CELSR2: variants seen among roughly 807,000 people sequenced by gnomAD.
CELSR2 encodes cadherin EGF LAG seven-pass G-type receptor 2.
A neutral mutation model predicts 251.6 loss-of-function variants in CELSR2; 81 were observed. The observed-to-expected ratio is 0.32, with a 90% CI of 0.27 to 0.39. The LOEUF (loss-of-function observed/expected upper bound fraction) is 0.39. Ranked by LOEUF, CELSR2 falls within the 10% of genes least tolerant of loss-of-function variation. The pLI is 1.00. For missense variants in CELSR2, 3,365 were observed against 3,947.7 expected (o/e 0.85, Z 3.96); for synonymous variants, 1,721 against 1,670.5 (o/e 1.03, Z -0.74).
intron 9 of CELSR2, 40 bp downstream of exon 9, chr1:109,263,817 G>GT (rs1263575343): frequency 6.2e-7 from 1 of 1,600,944 alleles, no homozygotes; most frequent in Admixed American, 1.7e-5. Context: ...CCTGGCCATA[G>GT]GGCCCTGGTA....
rs773186442 is a variant in CELSR2, at chr1:109,273,659, G to A, written c.8733G>A (p.Ser2911=). The A allele has an allele frequency of 1.4e-5, 21 of 1,458,586 alleles. No homozygotes were observed. The South Asian group carries it at 1.8e-4, about 12-fold the overall frequency. 90.4% of individuals were successfully genotyped at this position (1,458,586 alleles called of 1,614,324 possible). A position where few individuals can be genotyped will look rare whatever the true frequency, so the allele number is the denominator to read the frequency against. ...SIKAGTVDED[S]SGSEFLFFNF... is the part of the protein sequence containing the mutation. ...AGGCAGGCACGGTGGATGAGGACTC[G>A]TCAGGCTCCGAGTGAGTGTGGCCGG... Residue 2911 remains serine (S), a synonymous_variant, in exon 33 of 34, where the codon TCG becomes TCA. Coordinates refer to ENST00000271332, the MANE Select transcript of CELSR2 (RefSeq NM_001408.3).
rs772863063 is a variant in CELSR2, at chr1:109,267,989, C to T, written c.6247C>T (p.Arg2083Trp). Residue 2083 changes from arginine to tryptophan, a missense_variant, in exon 17 of 34, where the codon CGG (arginine) becomes TGG (tryptophan). Physicochemically the swap from Arg to Trp is moderately radical, Grantham distance 101. Around this residue, in one of 5 missense-constraint regions of CELSR2, gnomAD observed 2,093 missense variants for 2,382.8 expected, o/e 0.88. Transcript: ENST00000271332. ...DVKVAYQLAT[R>W]LLAHESTQRG... Reference sequence around the variant, plus strand: ...CAAGGTGGCCTACCAGCTGGCCACGCGGCTGCTGGCCCACGAGAGCACCCA... The same window carrying T: ...CAAGGTGGCCTACCAGCTGGCCACGTGGCTGCTGGCCCACGAGAGCACCCA... The T allele has an allele frequency of 2.0e-5, 33 of 1,610,584 alleles. No homozygotes were observed. The highest frequency in any genetic ancestry group is 2.2e-5 in the East Asian group (1 of 44,874).
chr1:109,268,291 C>T (rs763772281), intron 17 of CELSR2, among the ~76,000 whole-genome samples: 73 of 152,338 alleles, frequency 4.8e-4, no homozygotes, highest in Non-Finnish European at 7.2e-4. Flanking sequence ...CAGAGGCCTG[C>T]CTGTGGTACC....
At chr1:109,253,430 G>A (rs776968182) in intron 1 of CELSR2, 41 bp downstream of exon 1, 16 of 1,582,172 alleles carry the variant, frequency 1.0e-5, no homozygotes, top group South Asian at 2.3e-5. Context: ...GGGGTAGCTC[G>A]CGGGGATGGT....
In CELSR2 at chr1:109,251,876, T is replaced by C. The variant is rs200823215; in HGVS notation, c.1797T>C (p.Thr599=). 6.2e-7 allele frequency: 1 copy of C among 1,614,008 alleles called. No homozygotes were observed. Among genetic ancestry groups the C allele is most frequent in the Non-Finnish European group, 8.5e-7 (1 of 1,180,024 alleles). ...CTGCCTCGGCCAGTGTCAGCGTGACTGTCCTGGATGTCAACGACAACAATC... is the reference window on the plus strand; with the variant it reads ...CTGCCTCGGCCAGTGTCAGCGTGACCGTCCTGGATGTCAACGACAACAATC... ...ALTASASVSV[T]VLDVNDNNPT... Residue 599 remains threonine, a synonymous_variant, in exon 1 of 34, where the codon ACT becomes ACC. Coordinates refer to ENST00000271332, the MANE Select transcript of CELSR2 (RefSeq NM_001408.3). This position sits in a 1 kb window ranked among gnomAD's most constrained non-coding sequence, Gnocchi z 4.9.
intron 2 of CELSR2, among the ~76,000 whole-genome samples, chr1:109,260,191 G>GA (rs1212485213): frequency 7.0e-6 from 1 of 143,584 alleles, no homozygotes. Flanking sequence ...GGGAGGGGGG[G>GA]GGTTAGAGCA....
At chr1:109,266,052 C>T in intron 14 of CELSR2, 53 bp from the exon 15 acceptor site, 1 of 1,602,134 alleles carries the variant, frequency 6.2e-7, no homozygotes, top group Non-Finnish European at 8.5e-7. Flanking sequence ...GGAGCCTGGG[C>T]AGGACAGCAG....
Position 109,264,324 on chromosome 1 carries a change from C to T in CELSR2, c.5248C>T (p.Pro1750Ser), listed in dbSNP as rs199761472. The T allele has an allele frequency of 5.0e-5, 80 of 1,612,690 alleles. No individual in the cohort carries two copies. Among genetic ancestry groups the T allele is most frequent in the East Asian group, 2.2e-5 (1 of 44,828 alleles). Residue 1750 changes from proline to serine, a missense_variant, in exon 10 of 34, where the codon CCA (proline) becomes TCA (serine). Pro to Ser is a moderately conservative substitution (Grantham distance 74, BLOSUM62 -1). Around this residue, in one of 5 missense-constraint regions of CELSR2, gnomAD observed 2,093 missense variants for 2,382.8 expected, o/e 0.88. Coordinates refer to ENST00000271332, the MANE Select transcript of CELSR2 (RefSeq NM_001408.3). ...SNITVGGIPGPAGGVARGFRG... is the reference protein window; with the variant it reads ...SNITVGGIPGSAGGVARGFRG... ...CATAACAGTGGGCGGAATACCTGGG[C>T]CAGCCGGCGGTGTGGCCCGTGGCTT...
chr1:109,264,658 G>C, intron 11 of CELSR2, 30 bp downstream of exon 11: 1 of 1,601,144 alleles, frequency 6.2e-7, no homozygotes, highest in Non-Finnish European at 8.5e-7. Flanking sequence ...CAACGGGCAG[G>C]TTATCAGGTG....
intron 29 of CELSR2, 86 bp from the exon 30 acceptor site, chr1:109,272,554 G>A: frequency 6.7e-7 from 1 of 1,498,336 alleles, no homozygotes; most frequent in Non-Finnish European, 9.2e-7. Flanking sequence ...ACCCACAGCA[G>A]GAACCAGGAT....
intron 23 of CELSR2, 79 bp downstream of exon 23, chr1:109,270,212 C>T: frequency 2.7e-6 from 4 of 1,477,868 alleles, no homozygotes; most frequent in Non-Finnish European, 3.7e-6. Context: ...ACCCCTGCTC[C>T]TGCACCATGA....
chr1:109,259,448 A>C (rs1053871938), intron 2 of CELSR2, among the ~76,000 whole-genome samples: 2 of 152,202 alleles, frequency 1.3e-5, no homozygotes, highest in African/African-American at 4.8e-5. Flanking sequence ...CTTAGGTCAT[A>C]AGTTGGTTGT....
intron 15 of CELSR2, among the ~76,000 whole-genome samples, chr1:109,267,134 G>A (rs778783221): frequency 3.3e-5 from 5 of 152,050 alleles, no homozygotes; most frequent in Non-Finnish European, 4.4e-5. Context: ...GCTCACCACC[G>A]AGTCCTGGAG....
chr1:109,268,893 G>A lies in CELSR2; in HGVS notation c.6516G>A (p.Val2172=). The A allele has an allele frequency of 6.2e-7, 1 of 1,610,846 alleles. No homozygotes were observed. The highest frequency in any genetic ancestry group is 8.5e-7 in the Non-Finnish European group (1 of 1,177,544). ...IVTPNIVISV[V]RLDKGNFAGA... is the part of the protein sequence containing the mutation. The stretch of plus-strand genomic sequence containing the variant: ...CCCCTTCCTTAGTCATCTCCGTAGT[G>A]CGCTTGGACAAAGGGAACTTTGCTG... Residue 2172 remains valine, a synonymous_variant, in exon 19 of 34, where the codon GTG becomes GTA. Coordinates refer to ENST00000271332, the MANE Select transcript of CELSR2 (RefSeq NM_001408.3).
Position 109,274,107 on chromosome 1 carries a change from C to T in CELSR2, c.*58C>T. 3.7e-6 allele frequency: 6 copies of T among 1,613,540 alleles called. No homozygotes were observed. The highest frequency in any genetic ancestry group is 1.6e-4 in the Middle Eastern group (1 of 6,062). On this transcript the variant is annotated 3_prime_UTR_variant, in exon 34 of 34. Coordinates refer to ENST00000271332, the MANE Select transcript of CELSR2 (RefSeq NM_001408.3). ...CTTCCCTTCCCCAGCCGCACTCATG[C>T]CCTGCTCCTGTCTTGTGCTTTATCC...
Position 109,252,885 on chromosome 1 carries a change from A to G in CELSR2, c.2806A>G (p.Ile936Val). ...FDVFVEENSPIGLAVARVTAT... is the reference protein window; with the variant it reads ...FDVFVEENSPVGLAVARVTAT... ...TGTGTTTGTGGAAGAGAACAGCCCC[A>G]TTGGGCTAGCCGTGGCCCGGGTCAC... Residue 936 changes from isoleucine (I) to valine (V), a missense_variant, in exon 1 of 34, where the codon ATT (isoleucine) becomes GTT (valine). Transcript: ENST00000271332. This position sits in a 1 kb window ranked among gnomAD's most constrained non-coding sequence, Gnocchi z 4.8. The G allele has an allele frequency of 6.2e-7, 1 of 1,612,870 alleles. No individual in the cohort carries two copies. Among genetic ancestry groups the G allele is most frequent in the Non-Finnish European group, 8.5e-7 (1 of 1,179,334 alleles).
At chr1:109,267,704 CA>C in intron 16 of CELSR2, 62 bp downstream of exon 16, 1 of 1,580,702 alleles carries the variant, frequency 6.3e-7, no homozygotes, top group Non-Finnish European at 8.6e-7. Flanking sequence ...CACTTGCCCC[CA>C]CTCCCATCTT....
In CELSR2 at chr1:109,264,946, G is replaced by A. The variant is rs1412068219; in HGVS notation, c.5543G>A (p.Ser1848Asn). ...EHQSVCTRKP[S>N]APHGYTCECP... ...CAGTCTGTGTGTACCCGCAAGCCCAGTGCCCCCCATGGCTATACCTGCGAG... is the reference window on the plus strand; with the variant it reads ...CAGTCTGTGTGTACCCGCAAGCCCAATGCCCCCCATGGCTATACCTGCGAG... The change falls in exon 12 of 34, where the codon AGT (serine) becomes AAT (asparagine). Residue 1848 changes from serine to asparagine, a missense_variant. Ser to Asn is a conservative substitution (Grantham distance 46, BLOSUM62 1). Transcript: ENST00000271332. 6.2e-7 allele frequency: 1 copy of A among 1,614,068 alleles called. No homozygotes were observed. The highest frequency in any genetic ancestry group is 1.3e-5 in the African/African-American group (1 of 74,920).
intron 15 of CELSR2, among the ~76,000 whole-genome samples, chr1:109,266,753 C>T (rs1333805907): frequency 7.0e-6 from 1 of 142,724 alleles, no homozygotes; most frequent in African/African-American, 2.6e-5. Context: ...CGGAGTCTCG[C>T]TCTGTCATCA....
Sources: gnomAD v4.1 joint callset for allele counts (sites outside exome capture counted in the v4.1 genomes callset) on GRCh38, gnomAD v4.1.1 for gene constraint, gnomAD v4.1.1 regional missense constraint, Gnocchi (gnomAD v3.1) non-coding constraint, MANE v1.5 for transcripts, NCBI Gene and HGNC (gene_info 2026-07-23, HGNC 2026-07-21) for gene names.